DLGAP1: variants seen among roughly 807,000 people sequenced by gnomAD.
DLGAP1 encodes DLG associated protein 1, also known as disks large-associated protein 1.
Under a neutral mutation model 90.8 loss-of-function variants are expected in DLGAP1, and 11 were observed. That is an observed-to-expected ratio of 0.12 (90% confidence interval 0.08 to 0.20). The LOEUF is 0.20. DLGAP1 is among the 10% of genes least tolerant of loss of function. The pLI is 1.00. For missense variants in DLGAP1, 1,050 were observed against 1,333.8 expected, an observed-to-expected ratio of 0.79 and a Z score of 3.31; for synonymous variants, 558 against 540.7, an observed-to-expected ratio of 1.03 and a Z score of -0.44.
At chr18:3,658,320 G>C (rs2059572072) in intron 7 of DLGAP1, among the ~76,000 whole-genome samples, 1 of 152,058 alleles carries the variant, frequency 6.6e-6, no homozygotes, top group Non-Finnish European at 1.5e-5. Context: ...TGTAATAATG[G>C]GCTTCCAAAA....
intron 1 of DLGAP1, among the ~76,000 whole-genome samples, chr18:4,197,064 T>G (rs2077511064): frequency 6.6e-6 from 1 of 150,614 alleles, no homozygotes; most frequent in Admixed American, 6.6e-5. Flanking sequence ...TTCCAGCTAC[T>G]TGGGAGGCTG....
chr18:4,042,709 C>T (rs527319798), intron 2 of DLGAP1, among the ~76,000 whole-genome samples: 1 of 152,314 alleles, frequency 6.6e-6, no homozygotes, highest in South Asian at 2.1e-4. Flanking sequence ...CACCGCATTC[C>T]AGCCTGGCTG....
In DLGAP1 at chr18:4,355,131, G is replaced by T. The variant is rs536269586; in HGVS notation, c.-267+99875C>A. ...TCAGCAATGACACTCTTAGGCATTT[G>T]TCCCAGGGAAATGAAAATTTATGTG... On this transcript the variant is annotated intron_variant, in intron 1 of 12. Transcript: ENST00000315677. Among the ~76,000 whole-genome samples, 5 of 152,222 alleles carry T rather than the reference G, an allele frequency of 3.3e-5. No individual in the cohort carries two copies. The South Asian group carries it at 1.0e-3, about 32-fold the overall frequency.
chr18:4,454,438 TTG>T lies in DLGAP1; in HGVS notation c.-267+566_-267+567del, dbSNP rs2083920422. On this transcript the variant is annotated intron_variant, in intron 1 of 12. Coordinates refer to ENST00000315677, the MANE Select transcript of DLGAP1 (RefSeq NM_004746.4). This position sits in a 1 kb window ranked among gnomAD's most constrained non-coding sequence, Gnocchi z 4.7. ...TCTCTCTCTCTCTCTGTGCCTGTCT[TTG>T]TGTCTCTGTTTCTTTGGCTTTCTCT... 7.9e-6 allele frequency among the ~76,000 whole-genome samples: 1 copy of T among 126,106 alleles called. No homozygotes were observed. The highest frequency in any genetic ancestry group is 1.8e-5 in the Non-Finnish European group (1 of 55,548). The allele number at this position is 126,106 out of a possible 152,430, so 82.7% of individuals were successfully genotyped here.
intron 1 of DLGAP1, among the ~76,000 whole-genome samples, chr18:4,260,526 TCA>T (rs2078982174): frequency 2.0e-5 from 3 of 152,332 alleles, no homozygotes; most frequent in East Asian, 1.9e-4. Context: ...CTTAGTCTTC[TCA>T]CAGATTCTTC....
At chr18:3,875,277 C>T (rs191838591) in intron 4 of DLGAP1, among the ~76,000 whole-genome samples, 24 of 152,266 alleles carry the variant, frequency 1.6e-4, no homozygotes, top group Admixed American at 1.3e-3. Context: ...AAGCATATTA[C>T]GGAGTTGGGT....
intron 1 of DLGAP1, among the ~76,000 whole-genome samples, chr18:4,164,887 G>A (rs1237775224): frequency 1.3e-5 from 2 of 152,122 alleles, no homozygotes; most frequent in Non-Finnish European, 2.9e-5. Flanking sequence ...CAAAAGCAGA[G>A]TGAAGATAAC....
intron 9 of DLGAP1, among the ~76,000 whole-genome samples, chr18:3,543,165 AATTTTTTTTTTT>A (rs765939203): frequency 5.4e-5 from 7 of 130,242 alleles, no homozygotes; most frequent in Non-Finnish European, 9.4e-5. Flanking sequence ...CCATGACTCC[AATTTTTTTTTTT>A]TTTTTTTTTT....
At chr18:3,720,888 C>CCAAAAA (rs1441095000) in intron 7 of DLGAP1, among the ~76,000 whole-genome samples, 7 of 50,310 alleles carry the variant, frequency 1.4e-4, no homozygotes, top group African/African-American at 4.8e-4. Flanking sequence ...CTTGTCTCTA[C>CCAAAAA]AAAAAAAAAA....
intron 1 of DLGAP1, among the ~76,000 whole-genome samples, chr18:4,416,718 T>C (rs1162429344): frequency 2.0e-5 from 3 of 152,206 alleles, no homozygotes; most frequent in Non-Finnish European, 4.4e-5. Context: ...TGAGATGCTA[T>C]AGGAAATATG....
chr18:3,923,912 T>A (rs1407275517), intron 3 of DLGAP1, among the ~76,000 whole-genome samples: 1 of 152,224 alleles, frequency 6.6e-6, no homozygotes, highest in Non-Finnish European at 1.5e-5. Context: ...TTAAAGGAGA[T>A]GGTGCTGGTG....
At chr18:4,223,885 A>T (rs190257141) in intron 1 of DLGAP1, among the ~76,000 whole-genome samples, 268 of 152,348 alleles carry the variant, frequency 1.8e-3, no homozygotes, top group Non-Finnish European at 2.9e-3. Context: ...TACATTAAAG[A>T]GCTAAATCAT....
intron 2 of DLGAP1, among the ~76,000 whole-genome samples, chr18:4,144,286 T>C (rs1200149684): frequency 6.6e-6 from 1 of 152,198 alleles, no homozygotes; most frequent in Non-Finnish European, 1.5e-5. Context: ...GAGTTCTGAC[T>C]GCTGGGACAG....
intron 1 of DLGAP1, among the ~76,000 whole-genome samples, chr18:4,284,611 T>G (rs2079637286): frequency 6.6e-6 from 1 of 152,156 alleles, no homozygotes; most frequent in Non-Finnish European, 1.5e-5. Flanking sequence ...TTCACATACT[T>G]AGTCACTAGG....
At chr18:4,300,330 A>G (rs577954658) in intron 1 of DLGAP1, among the ~76,000 whole-genome samples, 2 of 152,286 alleles carry the variant, frequency 1.3e-5, no homozygotes, top group South Asian at 4.1e-4. Context: ...ATATTCTACT[A>G]TGGTTTATCT....
rs192131587 is a variant in DLGAP1 at position 4,080,876 on chromosome 18, T to C, written c.-159+70304A>G. 1.2e-4 allele frequency among the ~76,000 whole-genome samples: 18 copies of C among 147,764 alleles called. No individual in the cohort carries two copies. The East Asian group carries it at 3.6e-3, about 29-fold the overall frequency. ...TGTTGTTCTCCCCGATGCATGTTAA[T>C]AGATTTGAATGCCCTTTTTTTTTTT... On this transcript the variant is annotated intron_variant, in intron 2 of 12. Coordinates refer to ENST00000315677, the MANE Select transcript of DLGAP1 (RefSeq NM_004746.4).
At chr18:4,269,250 C>T (rs1333479469) in intron 1 of DLGAP1, among the ~76,000 whole-genome samples, 1 of 150,294 alleles carries the variant, frequency 6.7e-6, no homozygotes, top group African/African-American at 2.4e-5. Context: ...ACAATGTTGA[C>T]TCCCTGAAAG....
rs1164629096 is a variant in DLGAP1 at position 4,454,623 on chromosome 18, TG to T, written c.-267+382del. Among the ~76,000 whole-genome samples, 1 of 150,528 alleles carries T rather than the reference TG, an allele frequency of 6.6e-6. No homozygotes were observed. The highest frequency in any genetic ancestry group is 1.5e-5 in the Non-Finnish European group (1 of 67,646). On this transcript the variant is annotated intron_variant, in intron 1 of 12. Transcript: ENST00000315677. This position sits in a 1 kb window ranked among gnomAD's most constrained non-coding sequence, Gnocchi z 4.7. ...CCTGCAAGGTGCATCGGGGGTGGGG[TG>T]GGGGTGCGAATTTGACCGGTGGACA...
intron 4 of DLGAP1, chr18:3,845,116 T>C (rs564938692): frequency 5.3e-6 from 7 of 1,313,090 alleles, no homozygotes; most frequent in Admixed American, 4.0e-5. Flanking sequence ...ACAGACATCA[T>C]GAAACATGAA....
Sources: gnomAD v4.1 joint callset for allele counts (sites outside exome capture counted in the v4.1 genomes callset) on GRCh38, gnomAD v4.1.1 for gene constraint, Gnocchi (gnomAD v3.1) non-coding constraint, MANE v1.5 for transcripts, NCBI Gene and HGNC (gene_info 2026-07-23, HGNC 2026-07-21) for gene names.